The following PPEF2 variants were observed in gnomAD, a reference collection of about 807,000 sequenced individuals.
PPEF2 encodes the protein serine/threonine-protein phosphatase with EF-hands 2.
In PPEF2, 84 loss-of-function variants were observed where a neutral mutation model predicts 84.7. The ratio of observed to expected loss-of-function variants is 0.99; its 90% CI spans 0.83 to 1.19. The LOEUF (loss-of-function observed/expected upper bound fraction) is 1.19. Among genes scored for constraint, PPEF2 ranks in the 50% most tolerant of loss-of-function variants. The probability of loss-of-function intolerance (pLI) is 0.00; values close to 1 mark genes in which losing one functional copy is unlikely to be tolerated. For synonymous variants in PPEF2, 346 were observed against 345.2 expected (o/e 1.00, Z -0.03); for missense variants, 924 against 937.5 (o/e 0.99, Z 0.19).
chr4:75,891,745 C>A (rs1291528007), intron 3 of PPEF2, 40 bp from the exon 4 acceptor site: 2 of 1,598,982 alleles, frequency 1.3e-6, no homozygotes, highest in South Asian at 2.3e-5. Context: ...TAGAGGTGAG[C>A]GAAAAGAGAA....
intron 5 of PPEF2, 83 bp from the exon 6 acceptor site, chr4:75,888,411 A>G (rs1196645494): frequency 7.1e-6 from 7 of 991,042 alleles, no homozygotes; most frequent in Non-Finnish European, 1.1e-5. Flanking sequence ...CTGCTTAACA[A>G]CCCCCATCAC....
Position 75,860,593 on chromosome 4 carries a change from A to C in PPEF2, c.*74T>G. ...TTTCAGCATAAAGTTTCACATGGAG[A>C]ATAAGGGAGATAGTCTAGTGAGAAG... On this transcript the variant is annotated 3_prime_UTR_variant, in exon 17 of 17. Transcript: ENST00000286719. The C allele has an allele frequency of 6.4e-7, 1 of 1,561,290 alleles. No individual in the cohort carries two copies. The highest frequency in any genetic ancestry group is 1.2e-5 in the South Asian group (1 of 85,730).
intron 1 of PPEF2, among the ~76,000 whole-genome samples, chr4:75,898,549 A>G (rs1411692443): frequency 6.6e-6 from 1 of 152,186 alleles, no homozygotes; most frequent in African/African-American, 2.4e-5. Context: ...CATTTCCATC[A>G]CTGCAATACC....
intron 10 of PPEF2, 118 bp downstream of exon 10, chr4:75,882,808 G>A: frequency 4.5e-6 from 5 of 1,115,964 alleles, no homozygotes; most frequent in Non-Finnish European, 6.4e-6. Context: ...ACTCTTAATG[G>A]CCTCCACACT....
chr4:75,862,583 C>T (rs553530475), intron 16 of PPEF2, among the ~76,000 whole-genome samples: 45 of 151,702 alleles, frequency 3.0e-4, no homozygotes, highest in African/African-American at 1.0e-3. Context: ...AAATGAAAGT[C>T]AAAACCGCAG....
intron 10 of PPEF2, chr4:75,882,625 G>A (rs1313949210): frequency 4.7e-6 from 1 of 211,322 alleles, no homozygotes; most frequent in East Asian, 9.9e-5. Flanking sequence ...AGCCTCCCAA[G>A]TAGATAAGAC....
intron 12 of PPEF2, 86 bp downstream of exon 12, chr4:75,873,041 C>A: frequency 1.5e-6 from 2 of 1,324,108 alleles, no homozygotes; most frequent in Admixed American, 2.2e-5. Context: ...TTGTTAGAAA[C>A]TGAGAGCCTT....
chr4:75,896,827 C>T lies in PPEF2; in HGVS notation c.-58-444G>A, dbSNP rs529305870. Among the ~76,000 whole-genome samples the T allele has an allele frequency of 2.6e-5, 4 of 151,964 alleles. No homozygotes were observed. The South Asian group carries it at 8.3e-4, about 32-fold the overall frequency. On this transcript the variant is annotated intron_variant, in intron 1 of 16. Transcript: ENST00000286719. ...CTCTAATGTCTTCATCTTTTCAGTCCTTACCTTGCCAGAACAGCAAGGCCA... is the reference window on the plus strand; with the variant it reads ...CTCTAATGTCTTCATCTTTTCAGTCTTTACCTTGCCAGAACAGCAAGGCCA...
chr4:75,880,085 C>T (rs1578008217), intron 10 of PPEF2, among the ~76,000 whole-genome samples: 1 of 152,168 alleles, frequency 6.6e-6, no homozygotes, highest in Non-Finnish European at 1.5e-5. Flanking sequence ...GCCTCGGCCT[C>T]CCAAAATGCT....
chr4:75,898,840 T>G (rs1431961673), intron 1 of PPEF2, among the ~76,000 whole-genome samples: 1 of 152,188 alleles, frequency 6.6e-6, no homozygotes, highest in Non-Finnish European at 1.5e-5. Context: ...CCTTAAACAT[T>G]TATTATTTCT....
In PPEF2 at chr4:75,860,552, A is replaced by G; in HGVS notation, c.*115T>C. ...TGAAATACACAGGTGATTCTGATGC[A>G]TATGGATAGGTAAATTTTCAGCATA... On this transcript the variant is annotated 3_prime_UTR_variant, in exon 17 of 17. Coordinates refer to ENST00000286719, the MANE Select transcript of PPEF2 (RefSeq NM_006239.3). The G allele has an allele frequency of 7.5e-7, 1 of 1,324,662 alleles. No individual in the cohort carries two copies. The allele number at this position is 1,324,662 out of a possible 1,614,324, so 82.1% of individuals were successfully genotyped here.
chr4:75,872,952 G>A (rs1338051722), intron 12 of PPEF2, among the ~76,000 whole-genome samples, 175 bp downstream of exon 12: 1 of 152,192 alleles, frequency 6.6e-6, no homozygotes, highest in Non-Finnish European at 1.5e-5. Flanking sequence ...TTTTAAAGAG[G>A]ACATAAGAGT....
At chr4:75,891,306 G>T (rs1402908090) in intron 4 of PPEF2, among the ~76,000 whole-genome samples, 2 of 152,166 alleles carry the variant, frequency 1.3e-5, no homozygotes, top group African/African-American at 4.8e-5. Context: ...CCCTTTGCCT[G>T]CAGGGGGTAT....
rs76434763 is a variant in PPEF2 at position 75,866,286 on chromosome 4, C to T, written c.1823G>A (p.Arg608Gln). 60 of 1,614,144 alleles carry T rather than the reference C, an allele frequency of 3.7e-5. No homozygotes were observed. The highest frequency in any genetic ancestry group is 3.3e-4 in the Middle Eastern group (2 of 6,062). The change falls in exon 15 of 17, where the codon CGG becomes CAG. Residue 608 changes from arginine (R) to glutamine (Q), a missense_variant. Physicochemically the swap from Arg to Gln is conservative, Grantham distance 43 (BLOSUM62 1). Transcript: ENST00000286719. ...ESVLHLGLPWRMLRPQLVNSS... is the reference protein window; with the variant it reads ...ESVLHLGLPWQMLRPQLVNSS... ...GTTCACCAGCTGTGGCCTCAGCATC[C>T]GCCATGGCAGTCCTAGGTGCAACAC...
intron 10 of PPEF2, among the ~76,000 whole-genome samples, chr4:75,878,962 G>A (rs1270230430): frequency 2.0e-5 from 3 of 152,166 alleles, no homozygotes; most frequent in African/African-American, 7.2e-5. Context: ...TTAGAAGATG[G>A]TTTATTTAAT....
chr4:75,867,549 C>A, intron 13 of PPEF2, 130 bp from the exon 14 acceptor site: 1 of 619,932 alleles, frequency 1.6e-6, no homozygotes, highest in Non-Finnish European at 2.8e-6. Context: ...CGAGGGAGAG[C>A]GCCTTTACTC....
chr4:75,900,883 A>G (rs944245016), intron 1 of PPEF2, among the ~76,000 whole-genome samples: 1 of 152,208 alleles, frequency 6.6e-6, no homozygotes, highest in African/African-American at 2.4e-5. Context: ...GCCCCAAGAT[A>G]TATTGTTACA....
intron 9 of PPEF2, 23 bp downstream of exon 9, chr4:75,883,143 T>G (rs1394844798): frequency 1.6e-5 from 26 of 1,613,726 alleles, no homozygotes; most frequent in Non-Finnish European, 2.0e-5. Context: ...TGAGAGAAAC[T>G]TTTGTCTTTA....
intron 1 of PPEF2, among the ~76,000 whole-genome samples, chr4:75,897,994 G>A (rs544109190): frequency 2.8e-4 from 43 of 152,320 alleles, no homozygotes; most frequent in African/African-American, 1.0e-3. Flanking sequence ...CCAGTCATTA[G>A]CATTGTTTCT....
Sources: allele counts gnomAD v4.1 joint callset (sites outside exome capture counted in the v4.1 genomes callset), GRCh38; gene constraint gnomAD v4.1.1; transcripts MANE v1.5; gene names NCBI Gene and HGNC (gene_info 2026-07-23, HGNC 2026-07-21).